CRYBG3: variants seen among roughly 807,000 people sequenced by gnomAD.
CRYBG3 encodes very large A-kinase anchor protein.
CRYBG3 carries 127 observed loss-of-function variants against 244.2 expected under a neutral mutation model. The observed-to-expected ratio is 0.52, with a 90% confidence interval of 0.45 to 0.60. The LOEUF is 0.60. CRYBG3 is among the 20% of genes least tolerant of loss of function. The probability of loss-of-function intolerance (pLI) is 0.00; values close to 1 mark genes in which losing one functional copy is unlikely to be tolerated. For synonymous variants in CRYBG3, 1,132 were observed against 1,195.8 expected, an observed-to-expected ratio of 0.95 and a Z score of 1.10; for missense variants, 3,325 against 3,442.5, an observed-to-expected ratio of 0.97 and a Z score of 0.85.
intron 21 of CRYBG3, 64 bp downstream of exon 21, chr3:97,942,507 A>G (rs2040254719): frequency 9.1e-6 from 13 of 1,421,014 alleles, no homozygotes; most frequent in Non-Finnish European, 1.2e-5. Context: ...AAATCTCCTC[A>G]TTTTGGGTAA....
intron 2 of CRYBG3, among the ~76,000 whole-genome samples, chr3:97,850,943 C>A (rs1415384910): frequency 6.6e-6 from 1 of 151,814 alleles, no homozygotes; most frequent in East Asian, 1.9e-4. Context: ...ACCAGCCTGG[C>A]CAACATGGTG....
At chr3:97,868,154 G>A (rs1412422994) in intron 3 of CRYBG3, among the ~76,000 whole-genome samples, 1 of 151,906 alleles carries the variant, frequency 6.6e-6, no homozygotes, top group Non-Finnish European at 1.5e-5. Flanking sequence ...CACGGTGGTG[G>A]GTGCCTGTAG....
chr3:97,937,314 G>T (rs571463313), intron 19 of CRYBG3, among the ~76,000 whole-genome samples: 1 of 152,080 alleles, frequency 6.6e-6, no homozygotes, highest in Non-Finnish European at 1.5e-5. Context: ...CACACCTACT[G>T]CTTGTCAGTC....
chr3:97,886,550 T>G, intron 7 of CRYBG3, 81 bp from the exon 8 acceptor site: 1 of 1,066,992 alleles, frequency 9.4e-7, no homozygotes, highest in Non-Finnish European at 1.3e-6. Flanking sequence ...GAGAACAGTG[T>G]AACTGTATGT....
rs1278265596 is a variant in CRYBG3, at chr3:97,873,848, G to A, written c.2654G>A (p.Arg885His). 35 of 1,535,110 alleles carry A rather than the reference G, an allele frequency of 2.3e-5. No individual in the cohort carries two copies. Among genetic ancestry groups the A allele is most frequent in the East Asian group, 1.2e-4 (5 of 40,906 alleles). Residue 885 changes from arginine (R) to histidine (H), a missense_variant, in exon 4 of 22, where the codon CGT (arginine) becomes CAT (histidine). Transcript: ENST00000389622. The part of the protein sequence containing the change: ...LTFLEVEQGK[R>H]FQSINHNEIG... ...TTTCTAGAAGTTGAACAGGGCAAAC[G>A]TTTTCAATCAATTAATCATAATGAG... is the stretch of plus-strand genomic sequence containing the variant.
chr3:97,902,494 T>TA (rs35061161), intron 15 of CRYBG3, among the ~76,000 whole-genome samples: 285 of 146,754 alleles, frequency 1.9e-3, no homozygotes, highest in Non-Finnish European at 2.8e-3. Flanking sequence ...TTATTTCTTC[T>TA]AAAAAAAAAA....
Position 97,872,933 on chromosome 3 carries a change from A to G in CRYBG3, c.1739A>G (p.His580Arg). The change falls in exon 4 of 22, where the codon CAT becomes CGT. Residue 580 changes from histidine (H) to arginine (R), a missense_variant. His to Arg is a conservative substitution (Grantham distance 29, BLOSUM62 0). Coordinates refer to ENST00000389622, the MANE Select transcript of CRYBG3 (RefSeq NM_153605.4). ...LDFRSHDKIP[H>R]IRMNKKDLAS... ...TTTAGGTCACATGATAAAATTCCTC[A>G]TATTAGAATGAATAAAAAAGACCTG... The G allele has an allele frequency of 1.3e-6, 2 of 1,529,950 alleles. No homozygotes were observed. Among genetic ancestry groups the G allele is most frequent in the Non-Finnish European group, 1.7e-6 (2 of 1,145,434 alleles). The allele number at this position is 1,529,950 out of a possible 1,614,324, so 94.8% of individuals were successfully genotyped here. A position where few individuals can be genotyped will look rare whatever the true frequency, so the allele number is the denominator to read the frequency against.
Position 97,872,288 on chromosome 3 carries a change from A to G in CRYBG3, c.1094A>G (p.His365Arg). The part of the protein sequence containing the change: ...SYDGESDSQH[H>R]LSCEPVSQTN... Reference sequence around the variant, plus strand: ...GATGGAGAATCTGACTCACAGCACCATTTAAGTTGTGAACCGGTTTCTCAG... The same window carrying G: ...GATGGAGAATCTGACTCACAGCACCGTTTAAGTTGTGAACCGGTTTCTCAG... Residue 365 changes from histidine (H) to arginine (R), a missense_variant, in exon 4 of 22, where the codon CAT becomes CGT. Physicochemically the swap from His to Arg is conservative, Grantham distance 29 (BLOSUM62 0). Coordinates refer to ENST00000389622, the MANE Select transcript of CRYBG3 (RefSeq NM_153605.4). 1 of 1,535,974 alleles carries G rather than the reference A, an allele frequency of 6.5e-7. No homozygotes were observed. Among genetic ancestry groups the G allele is most frequent in the Non-Finnish European group, 8.7e-7 (1 of 1,146,790 alleles).
chr3:97,922,371 CA>C (rs1227944626), intron 17 of CRYBG3, among the ~76,000 whole-genome samples: 1 of 152,100 alleles, frequency 6.6e-6, no homozygotes, highest in Non-Finnish European at 1.5e-5. Flanking sequence ...TTCTGCACAG[CA>C]AAAGAAACTA....
At chr3:97,857,666 G>A (rs2039086038) in intron 2 of CRYBG3, among the ~76,000 whole-genome samples, 1 of 151,852 alleles carries the variant, frequency 6.6e-6, no homozygotes, top group Admixed American at 6.6e-5. Context: ...CCATTTGTAT[G>A]GAATGTCTTT....
intron 1 of CRYBG3, among the ~76,000 whole-genome samples, chr3:97,832,552 G>T (rs921875408): frequency 4.6e-5 from 7 of 151,846 alleles, no homozygotes; most frequent in African/African-American, 1.7e-4. Flanking sequence ...TCCTTACACT[G>T]TGTACAAAAA....
intron 1 of CRYBG3, among the ~76,000 whole-genome samples, chr3:97,833,659 T>TAC (rs2108158006): frequency 6.6e-6 from 1 of 152,222 alleles, no homozygotes; most frequent in Admixed American, 6.5e-5. Context: ...ATGGCACGTG[T>TAC]ACACCTATGT....
At chr3:97,911,286 C>A (rs1036302472) in intron 15 of CRYBG3, among the ~76,000 whole-genome samples, 12 of 152,142 alleles carry the variant, frequency 7.9e-5, no homozygotes, top group Admixed American at 7.9e-4. Flanking sequence ...CCTGTCAGTG[C>A]AGGGTGGACC....
At chr3:97,836,663 G>A (rs946221019) in intron 1 of CRYBG3, among the ~76,000 whole-genome samples, 2 of 152,134 alleles carry the variant, frequency 1.3e-5, no homozygotes, top group Non-Finnish European at 2.9e-5. Context: ...CCCATGGCTT[G>A]AGCAGACCCT....
At chr3:97,931,850 T>C (rs2040100918) in intron 17 of CRYBG3, among the ~76,000 whole-genome samples, 1 of 152,070 alleles carries the variant, frequency 6.6e-6, no homozygotes, top group South Asian at 2.1e-4. Flanking sequence ...GGTCTGGGTC[T>C]ATTTTTCTCT....
chr3:97,899,607 T>C (rs2108239584), intron 14 of CRYBG3, among the ~76,000 whole-genome samples: 1 of 152,258 alleles, frequency 6.6e-6, no homozygotes, highest in Middle Eastern at 3.4e-3. Flanking sequence ...TTAATGATAG[T>C]ATGATTAGTG....
At chr3:97,897,436 A>G (rs899625228) in intron 12 of CRYBG3, among the ~76,000 whole-genome samples, 1 of 152,056 alleles carries the variant, frequency 6.6e-6, no homozygotes, top group Non-Finnish European at 1.5e-5. Context: ...GCTTTAAAAT[A>G]TAAAATGGAA....
At chr3:97,882,496 T>C (rs1391280986) in intron 7 of CRYBG3, among the ~76,000 whole-genome samples, 1 of 152,118 alleles carries the variant, frequency 6.6e-6, no homozygotes, top group Non-Finnish European at 1.5e-5. Context: ...TCCAATATAA[T>C]AAAATATTTT....
intron 15 of CRYBG3, among the ~76,000 whole-genome samples, chr3:97,906,803 A>AG (rs1346024705): frequency 6.6e-6 from 1 of 152,074 alleles, no homozygotes; most frequent in Non-Finnish European, 1.5e-5. Context: ...GTGGTGAGAG[A>AG]GGGCATCCCT....
Sources: allele counts gnomAD v4.1 joint callset (sites outside exome capture counted in the v4.1 genomes callset), GRCh38; gene constraint gnomAD v4.1.1; transcripts MANE v1.5; gene names NCBI Gene and HGNC (gene_info 2026-07-23, HGNC 2026-07-21).